The following DUSP11 variants were observed in gnomAD, a reference collection of about 807,000 sequenced individuals.
DUSP11 encodes dual specificity phosphatase 11, also known as RNA/RNP complex-1-interacting phosphatase.
A neutral mutation model predicts 41.4 loss-of-function variants in DUSP11; 27 were observed. The observed-to-expected ratio is 0.65, with a 90% CI of 0.48 to 0.90. DUSP11 has a LOEUF of 0.90. DUSP11 is among the 40% of genes least tolerant of loss of function. DUSP11 has a pLI of 0.00. For synonymous variants in DUSP11, 188 were observed against 159.3 expected (o/e 1.18, Z -1.35); for missense variants, 465 against 461.1 (o/e 1.01, Z -0.08).
intron 2 of DUSP11, among the ~76,000 whole-genome samples, chr2:73,776,804 C>G (rs751665042): frequency 6.6e-6 from 1 of 152,156 alleles, no homozygotes; most frequent in Non-Finnish European, 1.5e-5. Flanking sequence ...GAGCTTAGTG[C>G]AGAATAAGCA....
At chr2:73,779,632 A>T in intron 1 of DUSP11, 1 of 616,460 alleles carries the variant, frequency 1.6e-6, no homozygotes, top group Non-Finnish European at 2.8e-6. Flanking sequence ...ATCCTTCCGT[A>T]TTTTACCTAA....
At chr2:73,764,230 G>A (rs960160595) in intron 8 of DUSP11, among the ~76,000 whole-genome samples, 4 of 152,080 alleles carry the variant, frequency 2.6e-5, no homozygotes, top group East Asian at 1.9e-4. Flanking sequence ...TTTCAATGCC[G>A]CAAGTGACAT....
chr2:73,775,440 A>G (rs1672661342), intron 2 of DUSP11, among the ~76,000 whole-genome samples: 1 of 146,898 alleles, frequency 6.8e-6, no homozygotes, highest in African/African-American at 2.5e-5. Context: ...GTGCAGTGAC[A>G]CAAACATGGC....
In DUSP11 at chr2:73,773,927, T is replaced by C; in HGVS notation, c.451-4A>G. ...AAGGAACAGTTTCTGGCAAATCCTA[T>C]AAAGCAAAACCATAAAAGATGTGTA... On this transcript the variant is annotated splice_region_variant and splice_polypyrimidine_tract_variant and intron_variant, in intron 3 of 8. Transcript: ENST00000272444. The C allele has an allele frequency of 6.3e-7, 1 of 1,580,348 alleles. No homozygotes were observed. The highest frequency in any genetic ancestry group is 8.6e-7 in the Non-Finnish European group (1 of 1,159,196).
At chr2:73,778,261 C>G in intron 2 of DUSP11, 40 bp downstream of exon 2, 2 of 1,410,742 alleles carry the variant, frequency 1.4e-6, no homozygotes, top group South Asian at 1.3e-5. Context: ...GCATGGTGAA[C>G]TCAGATGCCT....
intron 4 of DUSP11, 51 bp from the exon 5 acceptor site, chr2:73,769,376 A>C: frequency 7.7e-7 from 1 of 1,297,804 alleles, no homozygotes; most frequent in Non-Finnish European, 1.1e-6. Flanking sequence ...ACACAAGTAT[A>C]TAACATTATC....
chr2:73,777,989 T>C (rs1406224795), intron 2 of DUSP11, among the ~76,000 whole-genome samples: 1 of 152,182 alleles, frequency 6.6e-6, no homozygotes, highest in Non-Finnish European at 1.5e-5. Flanking sequence ...CTTGAATTCA[T>C]GGCGCAGGCA....
chr2:73,774,705 A>T (rs1672647357), intron 3 of DUSP11, among the ~76,000 whole-genome samples: 1 of 152,206 alleles, frequency 6.6e-6, no homozygotes, highest in African/African-American at 2.4e-5. Context: ...GCACGTATTA[A>T]ATCTATTCTT....
intron 2 of DUSP11, among the ~76,000 whole-genome samples, chr2:73,775,651 C>T (rs577298450): frequency 1.3e-5 from 2 of 149,966 alleles, no homozygotes; most frequent in African/African-American, 2.5e-5. Flanking sequence ...GTCAGGAGAT[C>T]GAGACCATCC....
intron 6 of DUSP11, 42 bp downstream of exon 6, chr2:73,767,119 A>C (rs1377701963): frequency 6.4e-7 from 1 of 1,556,202 alleles, no homozygotes; most frequent in Non-Finnish European, 8.8e-7. Context: ...TCCACCTTTA[A>C]CTTTAATAAA....
chr2:73,773,581 GTTCAT>G (rs778842975), intron 4 of DUSP11: 3 of 455,684 alleles, frequency 6.6e-6, no homozygotes, highest in South Asian at 5.3e-5. Flanking sequence ...AGCCAGTTCA[GTTCAT>G]ATTTTGCACT....
chr2:73,766,897 T>C (rs560718827), exon 7 of DUSP11: 35 of 1,612,564 alleles, frequency 2.2e-5, no homozygotes, highest in South Asian at 6.6e-5. Flanking sequence ...CCGGCACCTA[T>C]TGAATACTGA....
At chr2:73,767,999 T>G (rs1320756236) in intron 5 of DUSP11, 1 of 152,308 alleles carries the variant, frequency 6.6e-6, no homozygotes, top group Non-Finnish European at 1.5e-5. Context: ...CTGCATGGTT[T>G]CAGCTCCTAT....
chr2:73,765,228 A>G (rs773025316), intron 8 of DUSP11, among the ~76,000 whole-genome samples: 36 of 152,160 alleles, frequency 2.4e-4, no homozygotes, highest in Non-Finnish European at 4.9e-4. Context: ...AAAAAGGCAG[A>G]GGAAAGGCAA....
intron 7 of DUSP11, 49 bp downstream of exon 7, chr2:73,766,775 TAAAC>T: frequency 6.8e-7 from 1 of 1,478,322 alleles, no homozygotes; most frequent in East Asian, 2.3e-5. Context: ...TTAAATTACA[TAAAC>T]AGAGATCTCC....
chr2:73,779,936 C>CCGA, exon 1 of DUSP11: 1 of 1,614,238 alleles, frequency 6.2e-7, no homozygotes, highest in Non-Finnish European at 8.5e-7. Context: ...AGTCGCGTCT[C>CCGA]CGGCCCCAGC....
exon 9 of DUSP11, chr2:73,762,731 T>C (rs1261286060): frequency 1.2e-6 from 2 of 1,613,818 alleles, no homozygotes; most frequent in South Asian, 2.2e-5. Flanking sequence ...CCTTCTTCTA[T>C]CCTGGGCTGC....
At chr2:73,770,447 G>A (rs1431934549) in intron 4 of DUSP11, among the ~76,000 whole-genome samples, 3 of 151,340 alleles carry the variant, frequency 2.0e-5, no homozygotes, top group Middle Eastern at 3.2e-3. Flanking sequence ...CCCAGGAGAC[G>A]GAGGTTGCAG....
At chr2:73,765,577 C>CT (rs1672445597) in intron 8 of DUSP11, among the ~76,000 whole-genome samples, 1 of 141,870 alleles carries the variant, frequency 7.0e-6, no homozygotes, top group Non-Finnish European at 1.6e-5. Context: ...TCCATCTATC[C>CT]ATCCATCCAT....
Sources: gnomAD v4.1 joint callset for allele counts (sites outside exome capture counted in the v4.1 genomes callset) on GRCh38, gnomAD v4.1.1 for gene constraint, MANE v1.5 for transcripts, NCBI Gene and HGNC (gene_info 2026-07-23, HGNC 2026-07-21) for gene names.